The following MAP7 variants were observed in gnomAD, a reference collection of about 807,000 sequenced individuals.
MAP7 encodes the protein ensconsin.
MAP7 carries 52 observed loss-of-function variants against 94.8 expected under a neutral mutation model. The ratio of observed to expected loss-of-function variants is 0.55; its 90% CI spans 0.44 to 0.69. The LOEUF (loss-of-function observed/expected upper bound fraction) is 0.69, where lower values mean the gene tolerates loss of function less well. MAP7 is among the 30% of genes least tolerant of loss of function. The pLI is 0.00. For missense variants in MAP7, 940 were observed against 964.6 expected, an observed-to-expected ratio of 0.97 and a Z score of 0.34; for synonymous variants, 350 against 357.0, an observed-to-expected ratio of 0.98 and a Z score of 0.22.
chr6:136,413,447 G>T (rs1022482715), intron 2 of MAP7, among the ~76,000 whole-genome samples: 1 of 151,364 alleles, frequency 6.6e-6, no homozygotes, highest in Non-Finnish European at 1.5e-5. Flanking sequence ...GCTTGAATCC[G>T]GGAGGTGGAG....
At chr6:136,381,136 CAGG>C (rs1486736510) in intron 6 of MAP7, among the ~76,000 whole-genome samples, 1 of 152,110 alleles carries the variant, frequency 6.6e-6, no homozygotes, top group Admixed American at 6.6e-5. Flanking sequence ...TTAAAAATAG[CAGG>C]AAAGAACTAA....
At chr6:136,487,663 C>T (rs1212388822) in intron 1 of MAP7, among the ~76,000 whole-genome samples, 13 of 151,706 alleles carry the variant, frequency 8.6e-5, no homozygotes, top group Non-Finnish European at 1.9e-4. Context: ...GAGCTATGAG[C>T]GTGCGACTGA....
chr6:136,533,045 G>A (rs1243072531), intron 1 of MAP7, among the ~76,000 whole-genome samples: 1 of 152,200 alleles, frequency 6.6e-6, no homozygotes, highest in Admixed American at 6.5e-5. Flanking sequence ...GGCCAAGGCG[G>A]GTGGATCACC....
At chr6:136,393,186 T>C (rs1582775206) in intron 3 of MAP7, among the ~76,000 whole-genome samples, 1 of 152,168 alleles carries the variant, frequency 6.6e-6, no homozygotes, top group Non-Finnish European at 1.5e-5. Flanking sequence ...CTCTCCAAAA[T>C]AGCCTCTGCA....
intron 2 of MAP7, chr6:136,420,541 A>T: frequency 3.9e-6 from 1 of 256,330 alleles, no homozygotes; most frequent in Non-Finnish European, 7.5e-6. Context: ...GTTTGCTCAT[A>T]CAGTACATCT....
chr6:136,402,937 A>AGG (rs1784570739), intron 3 of MAP7, among the ~76,000 whole-genome samples: 1 of 143,966 alleles, frequency 6.9e-6, no homozygotes, highest in African/African-American at 2.6e-5. Flanking sequence ...AAAAAAAAAA[A>AGG]AAAAGAAAGA....
chr6:136,418,231 T>G (rs1790143227), intron 2 of MAP7, among the ~76,000 whole-genome samples: 1 of 151,586 alleles, frequency 6.6e-6, no homozygotes, highest in Admixed American at 6.5e-5. Flanking sequence ...TTGTTTGTTT[T>G]TTGAGACAGA....
chr6:136,437,755 G>GA (rs1056722358), intron 1 of MAP7, among the ~76,000 whole-genome samples: 34 of 148,948 alleles, frequency 2.3e-4, no homozygotes, highest in East Asian at 2.1e-3. Context: ...ATTTCACTAG[G>GA]AAAAAAAAAA....
At chr6:136,444,033 G>A (rs149172630) in intron 1 of MAP7, among the ~76,000 whole-genome samples, 1 of 152,218 alleles carries the variant, frequency 6.6e-6, no homozygotes, top group Non-Finnish European at 1.5e-5. Flanking sequence ...AATATTATTC[G>A]ACTTTATTCC....
chr6:136,402,629 G>A (rs754902784), intron 3 of MAP7, among the ~76,000 whole-genome samples: 33 of 152,260 alleles, frequency 2.2e-4, no homozygotes, highest in East Asian at 3.9e-4. Flanking sequence ...ACTTACTGCC[G>A]GGCACGGTGG....
chr6:136,521,644 T>A (rs1002185950), intron 1 of MAP7, among the ~76,000 whole-genome samples: 3 of 152,228 alleles, frequency 2.0e-5, no homozygotes, highest in African/African-American at 4.8e-5. Context: ...GTAATAGTCA[T>A]GAAGCCTCTA....
At chr6:136,494,525 TA>T (rs1817629884) in intron 1 of MAP7, among the ~76,000 whole-genome samples, 1 of 152,190 alleles carries the variant, frequency 6.6e-6, no homozygotes, top group African/African-American at 2.4e-5. Flanking sequence ...TAAATGTACT[TA>T]ATGCAACTGA....
chr6:136,433,285 T>C (rs1383192624), intron 1 of MAP7, among the ~76,000 whole-genome samples: 5 of 152,256 alleles, frequency 3.3e-5, no homozygotes, highest in Admixed American at 2.6e-4. Flanking sequence ...ATTTTCAATA[T>C]GTGGCTACAG....
intron 3 of MAP7, among the ~76,000 whole-genome samples, chr6:136,402,111 T>C (rs1365016848): frequency 6.6e-6 from 1 of 152,172 alleles, no homozygotes; most frequent in African/African-American, 2.4e-5. Context: ...CTTCTGTCTT[T>C]CAAGTCCTAG....
At chr6:136,492,515 T>C (rs528340454) in intron 1 of MAP7, among the ~76,000 whole-genome samples, 1 of 152,226 alleles carries the variant, frequency 6.6e-6, no homozygotes. Context: ...TTAGCTCTAA[T>C]GTTTTCCTTT....
rs57873622 is a variant in MAP7, at chr6:136,354,448, T to A, written c.2015+2244A>T. 8.6e-3 allele frequency among the ~76,000 whole-genome samples: 1,130 copies of A among 132,006 alleles called. 21 individuals carry two copies. The highest frequency in any genetic ancestry group is 0.045 in the East Asian group (189 of 4,188). The allele number at this position is 132,006 out of a possible 152,430, so 86.6% of individuals were successfully genotyped here. A position where few individuals can be genotyped will look rare whatever the true frequency, so the allele number is the denominator to read the frequency against. On this transcript the variant is annotated intron_variant, in intron 16 of 17. Transcript: ENST00000354570. The stretch of plus-strand genomic sequence containing the variant: ...ATATATAGTAGATATATATATATAG[T>A]AGATATATATAAAAATATATATAGT...
In MAP7 at chr6:136,442,714, T is replaced by C. The variant is rs988006600; in HGVS notation, c.68-20915A>G. 4.6e-5 allele frequency among the ~76,000 whole-genome samples: 7 copies of C among 152,204 alleles called. No individual in the cohort carries two copies. In the South Asian group the frequency reaches 6.2e-4, roughly 14 times the overall value. On this transcript the variant is annotated intron_variant, in intron 1 of 17. Transcript: ENST00000354570. The stretch of plus-strand genomic sequence containing the variant: ...TAAAGTGATTTTTCACATTTTTCAT[T>C]GCTTGGCAAAACACGAAAGTTCTGG...
intron 6 of MAP7, among the ~76,000 whole-genome samples, chr6:136,382,423 A>G (rs1041618974): frequency 3.3e-5 from 5 of 152,232 alleles, no homozygotes; most frequent in African/African-American, 1.2e-4. Context: ...AGATGAATAG[A>G]CAACTGTAAG....
chr6:136,441,358 GC>G (rs1435606125), intron 1 of MAP7, among the ~76,000 whole-genome samples: 1 of 151,864 alleles, frequency 6.6e-6, no homozygotes, highest in Non-Finnish European at 1.5e-5. Context: ...TGTTTACATT[GC>G]AAAAAAACAA....
Sources: gnomAD v4.1 joint callset for allele counts (sites outside exome capture counted in the v4.1 genomes callset) on GRCh38, gnomAD v4.1.1 for gene constraint, MANE v1.5 for transcripts, NCBI Gene and HGNC (gene_info 2026-07-23, HGNC 2026-07-21) for gene names.